Variants in ATP2B2 observed in about 807,000 individuals in gnomAD.
The protein encoded by ATP2B2 is ATPase plasma membrane Ca2+ transporting 2, also known as plasma membrane calcium-transporting ATPase 2.
Under a neutral mutation model 120.0 loss-of-function variants are expected in ATP2B2, and 15 were observed. The ratio of observed to expected loss-of-function variants is 0.12; its 90% CI spans 0.08 to 0.19. The LOEUF is 0.19. ATP2B2 is among the 10% of genes least tolerant of loss of function. The pLI is 1.00. For missense variants in ATP2B2, 1,045 were observed against 1,719.8 expected, an observed-to-expected ratio of 0.61 and a Z score of 6.94; for synonymous variants, 694 against 700.3, an observed-to-expected ratio of 0.99 and a Z score of 0.14.
chr3:10,606,560 C>T (rs2069072691), intron 2 of ATP2B2, among the ~76,000 whole-genome samples: 1 of 152,102 alleles, frequency 6.6e-6, no homozygotes, highest in African/African-American at 2.4e-5. Flanking sequence ...GGTCCAGTTC[C>T]CTTACTTAGT....
At chr3:10,683,203 T>C (rs1044265865) in intron 1 of ATP2B2, among the ~76,000 whole-genome samples, 3 of 151,580 alleles carry the variant, frequency 2.0e-5, no homozygotes, top group Admixed American at 1.3e-4. Flanking sequence ...CTTGGGCTCA[T>C]AGAAGTCAAA....
At position 10,628,183 on chromosome 3, in the gene ATP2B2, C is replaced by T. The variant is rs562282194; in HGVS notation, c.-459-8222G>A. 2.0e-5 allele frequency among the ~76,000 whole-genome samples: 3 copies of T among 152,336 alleles called. No homozygotes were observed. The South Asian group carries it at 6.2e-4, about 32-fold the overall frequency. On this transcript the variant is annotated intron_variant, in intron 1 of 21. Coordinates refer to the ATP2B2 transcript ENST00000646379. ...CCCGACAACCCAGGGCCTCAGGGCC[C>T]ATGGCCAGGGCTTTGGACTTTCTCC...
chr3:10,614,637 C>T (rs1010234162), intron 2 of ATP2B2, among the ~76,000 whole-genome samples: 1 of 152,182 alleles, frequency 6.6e-6, no homozygotes, highest in Non-Finnish European at 1.5e-5. Flanking sequence ...CCTCCCCTCC[C>T]TGTGCCTCAG....
chr3:10,589,845 C>T (rs7636942), intron 2 of ATP2B2, among the ~76,000 whole-genome samples: 100,309 of 152,084 alleles, frequency 0.66, 33,483 homozygotes, highest in Middle Eastern at 0.79. Flanking sequence ...AAAGTAAAAT[C>T]GCAATGCCTA....
upstream of ATP2B2, among the ~76,000 whole-genome samples, chr3:10,506,489 C>T (rs1448175933): frequency 6.6e-6 from 1 of 152,208 alleles, no homozygotes; most frequent in African/African-American, 2.4e-5. Context: ...CCCTAGCCAG[C>T]TGCTCACCTC....
At chr3:10,337,501 TGTG>T (rs749185155) in intron 22 of ATP2B2, among the ~76,000 whole-genome samples, 4 of 151,408 alleles carry the variant, frequency 2.6e-5, no homozygotes, top group Non-Finnish European at 5.9e-5. Flanking sequence ...GTGGTATGTG[TGTG>T]GGGGGGTCGG....
At chr3:10,536,186 T>C (rs1409483902) in intron 2 of ATP2B2, among the ~76,000 whole-genome samples, 2 of 152,252 alleles carry the variant, frequency 1.3e-5, no homozygotes, top group South Asian at 2.1e-4. Context: ...TGTTGAGATG[T>C]CTTTTGCCCA....
chr3:10,540,540 T>C (rs2067414301), intron 2 of ATP2B2, among the ~76,000 whole-genome samples: 1 of 151,882 alleles, frequency 6.6e-6, no homozygotes. Context: ...TATGTAGCCA[T>C]AAAAAAGGAT....
intron 1 of ATP2B2, among the ~76,000 whole-genome samples, chr3:10,632,938 T>C (rs2069909052): frequency 6.6e-6 from 1 of 152,246 alleles, no homozygotes; most frequent in African/African-American, 2.4e-5. Flanking sequence ...AGCCCTGCCA[T>C]AAGGGCATCT....
intron 5 of ATP2B2, among the ~76,000 whole-genome samples, chr3:10,397,364 G>C (rs532162527): frequency 5.9e-5 from 9 of 152,340 alleles, no homozygotes; most frequent in Admixed American, 2.0e-4. Flanking sequence ...GTGAGATCCG[G>C]TTGGGTGGTG....
chr3:10,414,978 C>T (rs2062732331), intron 2 of ATP2B2, among the ~76,000 whole-genome samples: 1 of 152,174 alleles, frequency 6.6e-6, no homozygotes, highest in African/African-American at 2.4e-5. Flanking sequence ...CACTGAGGCT[C>T]ACATGGGGCC....
chr3:10,341,591 A>G lies in ATP2B2; in HGVS notation c.2918-887T>C, dbSNP rs369893896. On this transcript the variant is annotated intron_variant, in intron 19 of 22. Coordinates refer to ENST00000360273, the MANE Select transcript of ATP2B2 (RefSeq NM_001001331.4). ...CTCCCAAAGTGCTGGGATTACAGGC[A>G]TGAGCCACTGCACCTGGCCAAGTCC... Among the ~76,000 whole-genome samples, 386 of 152,312 alleles carry G rather than the reference A, an allele frequency of 2.5e-3. 7 individuals carry two copies. Among genetic ancestry groups the G allele is most frequent in the South Asian group, 3.9e-3 (19 of 4,830 alleles).
At position 10,343,158 on chromosome 3, in the gene ATP2B2, C is replaced by CCA. The variant is rs2060329923; in HGVS notation, c.2704-195_2704-194dup. On this transcript the variant is annotated intron_variant, in intron 18 of 22. Transcript: ENST00000360273. This position sits in a 1 kb window ranked among gnomAD's most constrained non-coding sequence, Gnocchi z 4.2. ...AACAGTGCAGACCTGCCCACCTCAG[C>CCA]CACATCTTCCCTGCCAGGAGATAAG... 6.6e-6 allele frequency among the ~76,000 whole-genome samples: 1 copy of CCA among 152,176 alleles called. No homozygotes were observed. The highest frequency in any genetic ancestry group is 1.5e-5 in the Non-Finnish European group (1 of 68,012).
intron 14 of ATP2B2, among the ~76,000 whole-genome samples, chr3:10,357,297 T>A (rs1368878183): frequency 6.6e-6 from 1 of 152,148 alleles, no homozygotes; most frequent in Non-Finnish European, 1.5e-5. Context: ...AGTATGCAGA[T>A]GAGGCTCAGA....
intron 1 of ATP2B2, among the ~76,000 whole-genome samples, chr3:10,465,401 C>A (rs2064692758): frequency 6.6e-6 from 1 of 152,244 alleles, no homozygotes; most frequent in Non-Finnish European, 1.5e-5. Context: ...GGCAACTTGG[C>A]AGAGAAAGAG....
At chr3:10,466,170 C>G (rs759308850) in intron 1 of ATP2B2, among the ~76,000 whole-genome samples, 2 of 152,180 alleles carry the variant, frequency 1.3e-5, no homozygotes, top group Admixed American at 6.5e-5. Context: ...TGCTGGTGGT[C>G]ACAAAGCTTT....
At chr3:10,554,256 G>A (rs1286040620) in intron 2 of ATP2B2, among the ~76,000 whole-genome samples, 1 of 152,178 alleles carries the variant, frequency 6.6e-6, no homozygotes, top group African/African-American at 2.4e-5. Flanking sequence ...GAGACAGCTT[G>A]CCCAAGGCCT....
At chr3:10,364,593 C>T (rs1387001312) in intron 12 of ATP2B2, among the ~76,000 whole-genome samples, 1 of 151,910 alleles carries the variant, frequency 6.6e-6, no homozygotes, top group Non-Finnish European at 1.5e-5. Context: ...CCCCTGTAAT[C>T]CCAGTTACTC....
intron 8 of ATP2B2, among the ~76,000 whole-genome samples, chr3:10,380,855 A>G (rs2125545727): frequency 6.6e-6 from 1 of 152,360 alleles, no homozygotes; most frequent in East Asian, 1.9e-4. Context: ...TACCTTCATC[A>G]TAATCACTTG....
Sources: gnomAD v4.1 joint callset for allele counts (sites outside exome capture counted in the v4.1 genomes callset) on GRCh38, gnomAD v4.1.1 for gene constraint, Gnocchi (gnomAD v3.1) non-coding constraint, MANE v1.5 for transcripts, NCBI Gene and HGNC (gene_info 2026-07-23, HGNC 2026-07-21) for gene names.